The following SASH1 variants were observed in gnomAD, a reference collection of about 807,000 sequenced individuals.
The protein encoded by SASH1 is SAM and SH3 domain-containing protein 1.
Under a neutral mutation model 125.2 loss-of-function variants are expected in SASH1, and 44 were observed. The ratio of observed to expected loss-of-function variants is 0.35; its 90% CI spans 0.28 to 0.45. The LOEUF is 0.45. Among genes scored for constraint, SASH1 ranks in the 20% least tolerant of loss-of-function variants. SASH1 has a pLI of 1.00. For missense variants in SASH1, 1,426 were observed against 1,614.5 expected, an observed-to-expected ratio of 0.88 and a Z score of 2.00; for synonymous variants, 639 against 649.1, an observed-to-expected ratio of 0.98 and a Z score of 0.24.
chr6:148,200,612 T>C, the SASH1 span, among the ~76,000 whole-genome samples: 1 of 152,222 alleles, frequency 6.6e-6, no homozygotes, highest in East Asian at 1.9e-4. Context: ...GTCAACCTCT[T>C]GGCTCTCCTT....
the SASH1 span, among the ~76,000 whole-genome samples, chr6:148,232,337 C>T: frequency 3.3e-5 from 5 of 152,144 alleles, no homozygotes; most frequent in African/African-American, 1.2e-4. Flanking sequence ...AAAACAAGCT[C>T]ATCCATTCAA....
intron 1 of SASH1, among the ~76,000 whole-genome samples, chr6:148,299,871 C>T (rs1012475978): frequency 6.6e-6 from 1 of 152,064 alleles, no homozygotes; most frequent in Non-Finnish European, 1.5e-5. Flanking sequence ...GAGCACTAGC[C>T]AACCCTAACC....
chr6:148,514,063 G>T (rs1780296012), intron 8 of SASH1: 1 of 1,189,288 alleles, frequency 8.4e-7, no homozygotes, highest in Admixed American at 4.4e-5. Context: ...TGAGACAGAT[G>T]CCCCCACAGG....
chr6:148,498,287 T>C (rs1251530529), intron 8 of SASH1, among the ~76,000 whole-genome samples: 2 of 151,632 alleles, frequency 1.3e-5, no homozygotes, highest in African/African-American at 4.8e-5. Context: ...AGTGTGCATC[T>C]GTAGTCCCAG....
rs141004981 is a variant in SASH1, at chr6:148,389,065, T to C, written c.157-1069T>C. On this transcript the variant is annotated intron_variant, in intron 1 of 19. Transcript: ENST00000367467. ...AGGTATTTCTGTCATCCTCCCTGTA[T>C]GTATTCAGGTATGTTTTTAGGAATC... Among the ~76,000 whole-genome samples the C allele has an allele frequency of 1.5e-3, 225 of 152,356 alleles. 2 individuals are homozygous for C. The highest frequency in any genetic ancestry group is 4.9e-3 in the African/African-American group (205 of 41,584).
intron 1 of SASH1, among the ~76,000 whole-genome samples, chr6:148,387,620 CT>C (rs1239766899): frequency 7.7e-4 from 19 of 24,740 alleles, no homozygotes; most frequent in African/African-American, 2.9e-3. Context: ...TTCTTTCTTT[CT>C]TTCTTTCTTT....
intron 1 of SASH1, among the ~76,000 whole-genome samples, chr6:148,280,769 C>T (rs11155559): frequency 0.061 from 9,336 of 152,194 alleles, 376 homozygotes; most frequent in Non-Finnish European, 0.088. Flanking sequence ...GATGGCACCA[C>T]TGCACTCCAG....
chr6:148,421,622 T>G (rs879671037), intron 2 of SASH1, among the ~76,000 whole-genome samples: 1 of 152,182 alleles, frequency 6.6e-6, no homozygotes, highest in Non-Finnish European at 1.5e-5. Flanking sequence ...TTATTAGATA[T>G]GAGTGTAGCA....
chr6:148,331,473 G>A lies in SASH1; in HGVS notation n.75-58661G>A, dbSNP rs149737697. 5.6e-3 allele frequency among the ~76,000 whole-genome samples: 849 copies of A among 152,218 alleles called. 5 individuals are homozygous for A. The highest frequency in any genetic ancestry group is 7.4e-3 in the Admixed American group (113 of 15,274). On this transcript the variant is annotated intron_variant and non_coding_transcript_variant, in intron 1 of 3. Transcript: ENST00000367469. ...GCCTCCCAAGTGGCTGGGATTACAG[G>A]TTCCTGCTACCATGCCCCGCTAAGT...
At chr6:148,453,085 A>AACTGGAAACTCCGTTGCCCTTCCC (rs1186800334) in intron 4 of SASH1, among the ~76,000 whole-genome samples, 1 of 152,152 alleles carries the variant, frequency 6.6e-6, no homozygotes, top group Non-Finnish European at 1.5e-5. Context: ...AGCTGTTCCC[A>AACTGGAAACTCCGTTGCCCTTCCC]ACTGGAAACT....
chr6:148,387,905 A>AT (rs71004291), intron 1 of SASH1, among the ~76,000 whole-genome samples: 2,229 of 54,028 alleles, frequency 0.041, 244 homozygotes, highest in Admixed American at 0.087. Context: ...CGCCCTGCTA[A>AT]TTTTTTTTTT....
At chr6:148,543,640 CT>C in intron 17 of SASH1, 39 bp from the exon 18 acceptor site, 1 of 1,490,940 alleles carries the variant, frequency 6.7e-7, no homozygotes, top group South Asian at 1.4e-5. Context: ...GATTGATTTG[CT>C]TTTAAAATGT....
chr6:148,220,303 G>A, the SASH1 span, among the ~76,000 whole-genome samples: 21 of 152,270 alleles, frequency 1.4e-4, no homozygotes, highest in Middle Eastern at 6.8e-3. Context: ...AAAGGGGGAT[G>A]AACGCTGTGT....
At position 148,495,844 on chromosome 6, in the gene SASH1, T is replaced by C. The variant is rs1779285789; in HGVS notation, c.729+8129T>C. Among the ~76,000 whole-genome samples, 1 of 152,192 alleles carries C rather than the reference T, an allele frequency of 6.6e-6. No homozygotes were observed. On this transcript the variant is annotated intron_variant, in intron 8 of 19. Transcript: ENST00000367467. The surrounding 1 kb of genome is among the most constrained non-coding windows in gnomAD (Gnocchi z 4.0). The stretch of plus-strand genomic sequence containing the variant: ...GTCTTTGTCTTCTTGTAATTATTCA[T>C]TTATTTTTTGAGAAGGAGTCTCATT...
chr6:148,456,759 G>A (rs1777371451), intron 4 of SASH1, among the ~76,000 whole-genome samples: 1 of 151,780 alleles, frequency 6.6e-6, no homozygotes, highest in Admixed American at 6.6e-5. Flanking sequence ...CTATTTGGGG[G>A]CTGAGGAGGT....
chr6:148,449,113 G>A (rs1452217155), intron 4 of SASH1, among the ~76,000 whole-genome samples: 1 of 61,970 alleles, frequency 1.6e-5, no homozygotes. Flanking sequence ...GTCTCACCCA[G>A]GCTGGAGTGC....
rs1554235039 is a variant in SASH1, at chr6:148,325,261, T to TTTTTGTTG, written n.74+52886_74+52887insTTGTTGTT. Among the ~76,000 whole-genome samples the TTTTTGTTG allele has an allele frequency of 1.4e-4, 21 of 149,878 alleles. 2 individuals carry two copies. In the Admixed American group the frequency reaches 1.4e-3, roughly 10 times the overall value. ...AGAGTGAAATAGGGGAAAAGCCTCT[T>TTTTTGTTG]TTGTTGTTGTTGTTGTTGTTGTTGT... On this transcript the variant is annotated intron_variant and non_coding_transcript_variant, in intron 1 of 3. Transcript: ENST00000367469.
intron 19 of SASH1, 86 bp from the exon 20 acceptor site, chr6:148,548,209 T>G: frequency 8.3e-7 from 1 of 1,206,480 alleles, no homozygotes; most frequent in Non-Finnish European, 1.2e-6. Flanking sequence ...ATGCAGTATT[T>G]CAGTGCTGTT....
At chr6:148,427,764 T>A (rs1406728654) in intron 2 of SASH1, among the ~76,000 whole-genome samples, 2 of 152,224 alleles carry the variant, frequency 1.3e-5, no homozygotes, top group African/African-American at 4.8e-5. Flanking sequence ...TGGTGGAACT[T>A]ACCCTCCTGT....
Sources: allele counts gnomAD v4.1 joint callset (sites outside exome capture counted in the v4.1 genomes callset), GRCh38; gene constraint gnomAD v4.1.1; non-coding constraint Gnocchi (gnomAD v3.1); transcripts MANE v1.5; gene names NCBI Gene and HGNC (gene_info 2026-07-23, HGNC 2026-07-21).